EIF4E3: variants seen among roughly 807,000 people sequenced by gnomAD.
EIF4E3 encodes eukaryotic translation initiation factor 4E family member 3.
EIF4E3 carries 26 observed loss-of-function variants against 31.7 expected under a neutral mutation model. The observed-to-expected ratio is 0.82, with a 90% confidence interval of 0.60 to 1.14. EIF4E3 has a LOEUF of 1.14. Among genes scored for constraint, EIF4E3 ranks in the 50% most tolerant of loss-of-function variants. The pLI is 0.00. For synonymous variants in EIF4E3, 128 were observed against 107.7 expected, an observed-to-expected ratio of 1.19 and a Z score of -1.17; for missense variants, 304 against 270.9, an observed-to-expected ratio of 1.12 and a Z score of -0.86.
At chr3:71,720,998 T>G (rs2049539568) in intron 1 of EIF4E3, among the ~76,000 whole-genome samples, 1 of 152,174 alleles carries the variant, frequency 6.6e-6, no homozygotes, top group Admixed American at 6.5e-5. Context: ...TATGGCAGGA[T>G]GGTTAACCAA....
intron 1 of EIF4E3, among the ~76,000 whole-genome samples, chr3:71,713,476 G>A (rs1044284997): frequency 6.6e-6 from 1 of 151,888 alleles, no homozygotes; most frequent in Non-Finnish European, 1.5e-5. Context: ...TCACTCTGTT[G>A]CCCAGGCTGG....
chr3:71,666,124 G>A, the EIF4E3 span, among the ~76,000 whole-genome samples: 2 of 152,022 alleles, frequency 1.3e-5, no homozygotes, highest in Non-Finnish European at 2.9e-5. Flanking sequence ...ACAGAGACAT[G>A]AAAAACTCTT....
chr3:71,712,449 C>A (rs981367236), intron 1 of EIF4E3, among the ~76,000 whole-genome samples: 3 of 151,962 alleles, frequency 2.0e-5, no homozygotes, highest in African/African-American at 7.3e-5. Context: ...AACTTCAAAA[C>A]TCTTAAACTT....
intron 1 of EIF4E3, among the ~76,000 whole-genome samples, chr3:71,711,959 G>C (rs1332476405): frequency 6.6e-6 from 1 of 152,126 alleles, no homozygotes; most frequent in Non-Finnish European, 1.5e-5. Flanking sequence ...CTCCAGCCCG[G>C]GTGACAGAGC....
chr3:71,698,670 T>C (rs552053002), intron 3 of EIF4E3, among the ~76,000 whole-genome samples: 1 of 152,206 alleles, frequency 6.6e-6, no homozygotes, highest in Non-Finnish European at 1.5e-5. Flanking sequence ...AGTGGGAGAA[T>C]GAGACCCAGA....
chr3:71,711,970 G>A (rs527339818), intron 1 of EIF4E3, among the ~76,000 whole-genome samples: 4 of 152,180 alleles, frequency 2.6e-5, no homozygotes, highest in South Asian at 2.1e-4. Context: ...GTGACAGAGC[G>A]AGACTCTGTC....
At chr3:71,721,252 G>A (rs914466133) in intron 1 of EIF4E3, among the ~76,000 whole-genome samples, 3 of 152,188 alleles carry the variant, frequency 2.0e-5, no homozygotes, top group African/African-American at 7.2e-5. Context: ...TATTCAGTGC[G>A]GACTGACTTG....
At chr3:71,740,252 G>A (rs998883091) in intron 1 of EIF4E3, among the ~76,000 whole-genome samples, 9 of 152,080 alleles carry the variant, frequency 5.9e-5, no homozygotes, top group South Asian at 2.1e-4. Flanking sequence ...ATTAATATTC[G>A]CATTAAATGT....
intron 1 of EIF4E3, among the ~76,000 whole-genome samples, chr3:71,751,156 C>T (rs1322633985): frequency 6.6e-6 from 1 of 152,040 alleles, no homozygotes; most frequent in Non-Finnish European, 1.5e-5. Context: ...CGGCCTGAGC[C>T]TGGGAGGTTG....
chr3:71,675,256 C>G (rs1033654098), downstream of EIF4E3, among the ~76,000 whole-genome samples: 4 of 152,088 alleles, frequency 2.6e-5, no homozygotes, highest in African/African-American at 7.2e-5. Flanking sequence ...CGGAATTGGC[C>G]GTGAATATGT....
At chr3:71,670,408 T>C in the EIF4E3 span, among the ~76,000 whole-genome samples, 3 of 152,066 alleles carry the variant, frequency 2.0e-5, no homozygotes, top group African/African-American at 4.8e-5. Context: ...ATCTCCTCCA[T>C]TGCACCCCCC....
chr3:71,682,465 T>A lies in EIF4E3; in HGVS notation c.*2217A>T, dbSNP rs2048935397. On this transcript the variant is annotated 3_prime_UTR_variant, in exon 7 of 7. Transcript: ENST00000425534. ...ATCTAAGAAGGTAATGAGAGGTTTT[T>A]AAACTGATTAAATCAGCTTAGTTCA... 6.6e-6 allele frequency: 1 copy of A among 152,266 alleles called. No homozygotes were observed. The highest frequency in any genetic ancestry group is 1.5e-5 in the Non-Finnish European group (1 of 68,052). The allele number at this position is 152,266 out of a possible 1,614,324, so 9.4% of individuals were successfully genotyped here. A position where few individuals can be genotyped will look rare whatever the true frequency, so the allele number is the denominator to read the frequency against.
At chr3:71,716,596 A>T (rs998590323) in intron 1 of EIF4E3, among the ~76,000 whole-genome samples, 1 of 152,138 alleles carries the variant, frequency 6.6e-6, no homozygotes, top group Non-Finnish European at 1.5e-5. Context: ...ACCACATATC[A>T]TGTTGTACAT....
At chr3:71,712,642 G>GT (rs1439801075) in intron 1 of EIF4E3, among the ~76,000 whole-genome samples, 1 of 113,872 alleles carries the variant, frequency 8.8e-6, no homozygotes, top group Non-Finnish European at 1.8e-5. Context: ...GGGTGGGCGG[G>GT]GGAGATTCTA....
chr3:71,726,647 C>T (rs1370935357), upstream of EIF4E3, among the ~76,000 whole-genome samples: 2 of 152,170 alleles, frequency 1.3e-5, no homozygotes, highest in African/African-American at 4.8e-5. Flanking sequence ...AAGATGAGTT[C>T]AGGGGCATCA....
At chr3:71,746,856 C>A (rs1450789910) in intron 1 of EIF4E3, among the ~76,000 whole-genome samples, 2 of 152,182 alleles carry the variant, frequency 1.3e-5, no homozygotes, top group African/African-American at 2.4e-5. Context: ...CTGTTCTGGG[C>A]ATTTCATGTA....
rs2049619866 is a variant in EIF4E3 at position 71,725,363 on chromosome 3, G to C, written c.5C>G (p.Ala2Gly). The change falls in exon 1 of 7, where the codon GCG (alanine) becomes GGG (glycine). Residue 2 changes from alanine (A) to glycine (G), a missense_variant. Coordinates refer to ENST00000425534, the MANE Select transcript of EIF4E3 (RefSeq NM_001134651.2). This position sits in a 1 kb window ranked among gnomAD's most constrained non-coding sequence, Gnocchi z 6.1. ...GGGGGGCGCGGCGGCCGGGGGCAGC[G>C]CCATTTTCTCCGCCCCGCCTGCAAG... M[A>G]LPPAAAPPAG... 1.0e-6 allele frequency: 1 copy of C among 977,074 alleles called. No homozygotes were observed. Among genetic ancestry groups the C allele is most frequent in the Non-Finnish European group, 1.2e-6 (1 of 825,520 alleles). The allele number at this position is 977,074 out of a possible 1,614,324, so 60.5% of individuals were successfully genotyped here.
chr3:71,709,305 C>T (rs1429370283), intron 2 of EIF4E3, among the ~76,000 whole-genome samples: 2 of 152,156 alleles, frequency 1.3e-5, no homozygotes, highest in Admixed American at 6.5e-5. Flanking sequence ...TGCACCAGCC[C>T]GCTAAACTAG....
At chr3:71,701,208 T>C (rs1351309145) in intron 2 of EIF4E3, among the ~76,000 whole-genome samples, 1 of 152,162 alleles carries the variant, frequency 6.6e-6, no homozygotes, top group Non-Finnish European at 1.5e-5. Context: ...TATACAAAAA[T>C]AATAAAGTAA....
Sources: gnomAD v4.1 joint callset for allele counts (sites outside exome capture counted in the v4.1 genomes callset) on GRCh38, gnomAD v4.1.1 for gene constraint, Gnocchi (gnomAD v3.1) non-coding constraint, MANE v1.5 for transcripts, NCBI Gene and HGNC (gene_info 2026-07-23, HGNC 2026-07-21) for gene names.